Variants in TNFRSF10B observed in about 807,000 individuals in gnomAD.
The protein encoded by TNFRSF10B is TNF receptor superfamily member 10b, also known as tumor necrosis factor receptor superfamily member 10B.
In TNFRSF10B, 35 loss-of-function variants were observed where a neutral mutation model predicts 41.4. That is an observed-to-expected ratio of 0.85 (90% confidence interval 0.65 to 1.12). The LOEUF is 1.12. TNFRSF10B is among the 50% of genes most tolerant of loss of function. The pLI, the probability that TNFRSF10B is intolerant of heterozygous loss-of-function variation, is 0.00. For missense variants in TNFRSF10B, 584 were observed against 552.7 expected (o/e 1.06, Z -0.57); for synonymous variants, 230 against 215.5 (o/e 1.07, Z -0.59).
intron 1 of TNFRSF10B, among the ~76,000 whole-genome samples, chr8:23,064,297 C>T (rs1812920784): frequency 6.6e-6 from 1 of 152,204 alleles, no homozygotes; most frequent in South Asian, 2.1e-4. Flanking sequence ...GGAGTAAAAA[C>T]AAGAGAGGTA....
At chr8:23,055,522 A>T (rs11781173) in intron 1 of TNFRSF10B, among the ~76,000 whole-genome samples, 1,849 of 30,998 alleles carry the variant, frequency 0.06, 30 homozygotes, top group African/African-American at 0.14. Flanking sequence ...TTAAATGCTT[A>T]AAAAAAAAAA....
chr8:23,067,397 A>G (rs12674496), intron 1 of TNFRSF10B, among the ~76,000 whole-genome samples: 29,328 of 151,982 alleles, frequency 0.19, 3,746 homozygotes, highest in Non-Finnish European at 0.27. Flanking sequence ...CCAAGTAGAA[A>G]GAACATGAAA....
intron 1 of TNFRSF10B, among the ~76,000 whole-genome samples, chr8:23,047,728 A>C (rs1219559145): frequency 6.6e-6 from 1 of 152,224 alleles, no homozygotes. Flanking sequence ...GGATATGGAG[A>C]AAAGGGAACC....
At chr8:23,046,331 C>G (rs1812356683) in intron 1 of TNFRSF10B, among the ~76,000 whole-genome samples, 1 of 151,606 alleles carries the variant, frequency 6.6e-6, no homozygotes, top group African/African-American at 2.4e-5. Flanking sequence ...GAAAACAAAC[C>G]TATTAAGAGC....
intron 7 of TNFRSF10B, among the ~76,000 whole-genome samples, chr8:23,026,270 T>C (rs982291303): frequency 3.3e-5 from 5 of 151,914 alleles, no homozygotes; most frequent in African/African-American, 1.2e-4. Context: ...GATCTAGTTT[T>C]TTTTTGTTTG....
intron 2 of TNFRSF10B, among the ~76,000 whole-genome samples, chr8:23,035,909 C>G (rs1812018441): frequency 1.3e-5 from 2 of 152,182 alleles, no homozygotes; most frequent in African/African-American, 4.8e-5. Context: ...GGCTCTGCAA[C>G]AGGTCCAGGC....
intron 1 of TNFRSF10B, among the ~76,000 whole-genome samples, chr8:23,067,167 G>C (rs906506827): frequency 6.6e-6 from 1 of 151,864 alleles, no homozygotes; most frequent in African/African-American, 2.4e-5. Flanking sequence ...TAGTAGAGAC[G>C]GGGTTTCACC....
intron 2 of TNFRSF10B, among the ~76,000 whole-genome samples, chr8:23,034,923 A>G (rs1247860853): frequency 2.0e-5 from 3 of 152,182 alleles, no homozygotes; most frequent in Non-Finnish European, 4.4e-5. Flanking sequence ...TTCCAGTTAT[A>G]ACTGTCCCAG....
At chr8:23,033,282 G>A (rs567901681) in intron 2 of TNFRSF10B, among the ~76,000 whole-genome samples, 7 of 152,186 alleles carry the variant, frequency 4.6e-5, no homozygotes, top group African/African-American at 1.2e-4. Context: ...AAAGGCATAC[G>A]AAGAGATAAA....
intron 5 of TNFRSF10B, 24 bp downstream of exon 5, chr8:23,028,307 C>A (rs759635573): frequency 6.2e-7 from 1 of 1,613,424 alleles, no homozygotes; most frequent in East Asian, 2.2e-5. Flanking sequence ...GTGCCCTGTG[C>A]CCCCGCCCTC....
intron 1 of TNFRSF10B, among the ~76,000 whole-genome samples, chr8:23,066,887 G>C (rs1196372677): frequency 6.6e-6 from 1 of 151,008 alleles, no homozygotes; most frequent in Non-Finnish European, 1.5e-5. Flanking sequence ...ACAGAGGCAA[G>C]ACTCCATCTC....
rs1238856287 is a variant in TNFRSF10B at position 23,020,737 on chromosome 8, G to T, written c.*1934C>A. The T allele has an allele frequency of 2.2e-6, 1 of 454,060 alleles. No homozygotes were observed. Among genetic ancestry groups the T allele is most frequent in the South Asian group, 1.6e-5 (1 of 64,476 alleles). 28.1% of individuals were successfully genotyped at this position (454,060 alleles called of 1,614,324 possible). A position where few individuals can be genotyped will look rare whatever the true frequency, so the allele number is the denominator to read the frequency against. Reference sequence around the variant, plus strand: ...AAAAATCTTAAACACTGATAAGGCTGACACTCTAGATGCATCTTCTAGGAA... The same window carrying T: ...AAAAATCTTAAACACTGATAAGGCTTACACTCTAGATGCATCTTCTAGGAA... On this transcript the variant is annotated 3_prime_UTR_variant, in exon 9 of 9. Coordinates refer to ENST00000276431, the MANE Select transcript of TNFRSF10B (RefSeq NM_003842.5).
chr8:23,052,271 T>C (rs1030619529), intron 1 of TNFRSF10B, among the ~76,000 whole-genome samples: 5 of 150,464 alleles, frequency 3.3e-5, no homozygotes, highest in Non-Finnish European at 7.4e-5. Flanking sequence ...GATTGTGTCC[T>C]TTTTAAAGGG....
intron 1 of TNFRSF10B, 34 bp from the exon 2 acceptor site, chr8:23,043,277 C>CCAGGAG: frequency 6.4e-7 from 1 of 1,567,924 alleles, no homozygotes; most frequent in Non-Finnish European, 8.8e-7. Context: ...GCATGAGTGG[C>CCAGGAG]TTCCAGACCT....
chr8:23,054,867 G>A (rs1261039573), intron 1 of TNFRSF10B, among the ~76,000 whole-genome samples: 2 of 152,202 alleles, frequency 1.3e-5, no homozygotes, highest in Non-Finnish European at 1.5e-5. Context: ...CATTTAAAAC[G>A]CCTATGTAAA....
Position 23,028,590 on chromosome 8 carries a change from C to A in TNFRSF10B, c.489G>T (p.Gly163=), listed in dbSNP as rs1239585739. 2 of 1,614,076 alleles carry A rather than the reference C, an allele frequency of 1.2e-6. No homozygotes were observed. Among genetic ancestry groups the A allele is most frequent in the South Asian group, 1.1e-5 (1 of 91,078 alleles). The change falls in exon 5 of 9, where the codon GGG becomes GGT. Residue 163 remains glycine, a synonymous_variant. Transcript: ENST00000276431. ...CRKCRTGCPR[G]MVKVGDCTPW... is the part of the protein sequence containing the mutation. ...GTGTACAATCACCGACCTTGACCAT[C>A]CCTCTGGGACACCTGGGTACACACA... is the stretch of plus-strand genomic sequence containing the variant.
intron 1 of TNFRSF10B, among the ~76,000 whole-genome samples, chr8:23,047,004 A>G (rs1812383755): frequency 6.6e-6 from 1 of 152,230 alleles, no homozygotes; most frequent in African/African-American, 2.4e-5. Flanking sequence ...TTAAACTGCT[A>G]GAAGAAAACA....
chr8:23,039,884 A>G (rs570502397), intron 2 of TNFRSF10B, among the ~76,000 whole-genome samples: 13 of 152,290 alleles, frequency 8.5e-5, no homozygotes, highest in Admixed American at 6.5e-4. Context: ...TGTAATCTTC[A>G]AGGAAACCAG....
At chr8:23,031,216 C>T (rs1455230000) in intron 2 of TNFRSF10B, among the ~76,000 whole-genome samples, 4 of 151,890 alleles carry the variant, frequency 2.6e-5, no homozygotes, top group Non-Finnish European at 5.9e-5. Flanking sequence ...GCTGGGATTA[C>T]AGGCACACAC....
Sources: allele counts gnomAD v4.1 joint callset (sites outside exome capture counted in the v4.1 genomes callset), GRCh38; gene constraint gnomAD v4.1.1; transcripts MANE v1.5; gene names NCBI Gene and HGNC (gene_info 2026-07-23, HGNC 2026-07-21).